The following EPHA8 variants were observed in gnomAD, a reference collection of about 807,000 sequenced individuals.
The protein encoded by EPHA8 is EPH receptor A8.
Under a neutral mutation model 103.6 loss-of-function variants are expected in EPHA8, and 58 were observed. The ratio of observed to expected loss-of-function variants is 0.56; its 90% CI spans 0.45 to 0.70. The LOEUF is 0.70. EPHA8 is among the 30% of genes least tolerant of loss of function. The pLI is 0.00. For missense variants in EPHA8, 1,304 were observed against 1,395.2 expected (o/e 0.93, Z 1.04); for synonymous variants, 559 against 572.5 (o/e 0.98, Z 0.34).
rs767808371 is a variant in EPHA8 at position 22,567,999 on chromosome 1, G to A, written c.95-1290G>A. On this transcript the variant is annotated intron_variant, in intron 1 of 16. Transcript: ENST00000166244. The surrounding 1 kb of genome is among the most constrained non-coding windows in gnomAD (Gnocchi z 4.2). The stretch of plus-strand genomic sequence containing the variant: ...CCAAGGACACACAGCAGTTAGAGAC[G>A]GCTGAAGCCGGAGCCCTGATTTCTA... Among the ~76,000 whole-genome samples, 6 of 152,236 alleles carry A rather than the reference G, an allele frequency of 3.9e-5. No homozygotes were observed. Among genetic ancestry groups the A allele is most frequent in the Non-Finnish European group, 8.8e-5 (6 of 68,046 alleles).
In EPHA8 at chr1:22,600,945, C is replaced by A; in HGVS notation, c.2586C>A (p.Gly862=). ...GGTACCGCCTGCCCGCACCCATGGG[C>A]TGCCCCCACGCCCTGCACCAGCTCA... ...EEGYRLPAPM[G]CPHALHQLML... The change falls in exon 15 of 17, where the codon GGC becomes GGA. Residue 862 remains glycine, a synonymous_variant. Coordinates refer to ENST00000166244, the MANE Select transcript of EPHA8 (RefSeq NM_020526.5). The A allele has an allele frequency of 6.2e-7, 1 of 1,612,468 alleles. No homozygotes were observed.
intron 13 of EPHA8, among the ~76,000 whole-genome samples, chr1:22,599,651 GA>G (rs1641626876): frequency 5.1e-5 from 3 of 58,692 alleles, no homozygotes; most frequent in African/African-American, 2.3e-4. Context: ...GGGAGGGAAG[GA>G]AGGAAAGGAG....
chr1:22,600,501 G>A (rs1641692211), intron 13 of EPHA8, among the ~76,000 whole-genome samples, 160 bp from the exon 14 acceptor site: 1 of 152,050 alleles, frequency 6.6e-6, no homozygotes, highest in African/African-American at 2.4e-5. Context: ...AGCGGCTCTT[G>A]TGAGGCCTCC....
rs556829949 is a variant in EPHA8 at position 22,578,862 on chromosome 1, T to C, written c.823+1982T>C. On this transcript the variant is annotated intron_variant, in intron 3 of 16. Coordinates refer to ENST00000166244, the MANE Select transcript of EPHA8 (RefSeq NM_020526.5). The stretch of plus-strand genomic sequence containing the variant: ...ATATGCATGTGTGCATGCATGTGTG[T>C]ATATGCACGTGTCCGTGTGTCCGTG... 2.7e-5 allele frequency among the ~76,000 whole-genome samples: 4 copies of C among 147,334 alleles called. No homozygotes were observed. In the South Asian group the frequency reaches 6.4e-4, roughly 24 times the overall value.
Position 22,598,417 on chromosome 1 carries a change from C to T in EPHA8, c.2178+205C>T, listed in dbSNP as rs934837817. 5.4e-4 allele frequency among the ~76,000 whole-genome samples: 83 copies of T among 152,296 alleles called. 1 individual carries two copies. The highest frequency in any genetic ancestry group is 6.5e-4 in the Admixed American group (10 of 15,304). On this transcript the variant is annotated intron_variant, in intron 12 of 16. Transcript: ENST00000166244. The surrounding 1 kb of genome is among the most constrained non-coding windows in gnomAD (Gnocchi z 5.1). ...CCCATTGCATGAAAGTCCCTCTGCTCCATGGGATCCTGCTGCCCTGCACAC... is the reference window on the plus strand; with the variant it reads ...CCCATTGCATGAAAGTCCCTCTGCTTCATGGGATCCTGCTGCCCTGCACAC...
At chr1:22,599,672 A>G (rs1323088610) in intron 13 of EPHA8, among the ~76,000 whole-genome samples, 10 of 43,058 alleles carry the variant, frequency 2.3e-4, no homozygotes, top group East Asian at 6.3e-4. Flanking sequence ...GGGAGGGAGG[A>G]AGGAGGGAAG....
chr1:22,565,862 C>G (rs1320222046), intron 1 of EPHA8, among the ~76,000 whole-genome samples: 1 of 152,324 alleles, frequency 6.6e-6, no homozygotes, highest in East Asian at 1.9e-4. Flanking sequence ...CAGCAGGGTA[C>G]CCACAGCCAG....
Position 22,596,093 on chromosome 1 carries a change from C to T in EPHA8, c.1698-13C>T. The T allele has an allele frequency of 6.2e-7, 1 of 1,613,388 alleles. No individual in the cohort carries two copies. Among genetic ancestry groups the T allele is most frequent in the Non-Finnish European group, 8.5e-7 (1 of 1,179,740 alleles). ...TGGCCTGGCCTCAGGCAGGGCGGTGCCCTCCTCTGCAGGCACTGTGGCTAC... is the reference window on the plus strand; with the variant it reads ...TGGCCTGGCCTCAGGCAGGGCGGTGTCCTCCTCTGCAGGCACTGTGGCTAC... On this transcript the variant is annotated splice_polypyrimidine_tract_variant and intron_variant, in intron 8 of 16. Coordinates refer to ENST00000166244, the MANE Select transcript of EPHA8 (RefSeq NM_020526.5).
Position 22,596,088 on chromosome 1 carries a change from C to A in EPHA8, c.1698-18C>A. 1 of 1,612,820 alleles carries A rather than the reference C, an allele frequency of 6.2e-7. No homozygotes were observed. Among genetic ancestry groups the A allele is most frequent in the Non-Finnish European group, 8.5e-7 (1 of 1,179,338 alleles). ...AGGGGTGGCCTGGCCTCAGGCAGGG[C>A]GGTGCCCTCCTCTGCAGGCACTGTG... is the stretch of plus-strand genomic sequence containing the variant. On this transcript the variant is annotated intron_variant, in intron 8 of 16. Transcript: ENST00000166244.
chr1:22,567,819 G>C lies in EPHA8; in HGVS notation c.95-1470G>C, dbSNP rs886493499. On this transcript the variant is annotated intron_variant, in intron 1 of 16. Coordinates refer to ENST00000166244, the MANE Select transcript of EPHA8 (RefSeq NM_020526.5). The surrounding 1 kb of genome is among the most constrained non-coding windows in gnomAD (Gnocchi z 4.2). Reference sequence around the variant, plus strand: ...CCCCCGTCACCTGCCCAAGCCCGCTGATTGGGGTGGTTAAAAGCCCATGGC... The same window carrying C: ...CCCCCGTCACCTGCCCAAGCCCGCTCATTGGGGTGGTTAAAAGCCCATGGC... Among the ~76,000 whole-genome samples, 1 of 152,184 alleles carries C rather than the reference G, an allele frequency of 6.6e-6. No homozygotes were observed. Among genetic ancestry groups the C allele is most frequent in the African/African-American group, 2.4e-5 (1 of 41,452 alleles).
intron 3 of EPHA8, among the ~76,000 whole-genome samples, chr1:22,582,089 G>A (rs1641062359): frequency 6.6e-6 from 1 of 152,222 alleles, no homozygotes; most frequent in Admixed American, 6.5e-5. Context: ...GAACAGAGTG[G>A]GGTACCTTTC....
At chr1:22,578,161 TGA>T (rs1275674136) in intron 3 of EPHA8, among the ~76,000 whole-genome samples, 2 of 129,758 alleles carry the variant, frequency 1.5e-5, no homozygotes, top group Admixed American at 7.6e-5. Context: ...CGTGTGTGCA[TGA>T]GTGTATGTGT....
intron 4 of EPHA8, among the ~76,000 whole-genome samples, chr1:22,588,648 G>T (rs188891732): frequency 1.3e-5 from 2 of 152,036 alleles, no homozygotes; most frequent in Admixed American, 1.3e-4. Flanking sequence ...GGGTCCCAGG[G>T]TTCTGTGCCC....
chr1:22,589,465 A>G lies in EPHA8; in HGVS notation c.1315+259A>G. 6.7e-7 allele frequency: 1 copy of G among 1,483,268 alleles called. No individual in the cohort carries two copies. Among genetic ancestry groups the G allele is most frequent in the Non-Finnish European group, 8.9e-7 (1 of 1,125,452 alleles). The allele number at this position is 1,483,268 out of a possible 1,614,324, so 91.9% of individuals were successfully genotyped here. On this transcript the variant is annotated intron_variant, in intron 5 of 16. Transcript: ENST00000166244. This position sits in a 1 kb window ranked among gnomAD's most constrained non-coding sequence, Gnocchi z 4.3. Reference sequence around the variant, plus strand: ...GGCCGTCGAAAGCCTAGGTTCCAGAACTTTCCCTCTCTGTGCCTCAGTTTC... The same window carrying G: ...GGCCGTCGAAAGCCTAGGTTCCAGAGCTTTCCCTCTCTGTGCCTCAGTTTC...
At chr1:22,579,323 ATG>A (rs1317537393) in intron 3 of EPHA8, among the ~76,000 whole-genome samples, 2 of 149,200 alleles carry the variant, frequency 1.3e-5, no homozygotes, top group Non-Finnish European at 3.0e-5. Flanking sequence ...GTATATATGC[ATG>A]TGTCCATGTG....
chr1:22,577,105 G>A (rs1456059975), intron 3 of EPHA8, among the ~76,000 whole-genome samples: 5 of 152,184 alleles, frequency 3.3e-5, no homozygotes, highest in Non-Finnish European at 7.4e-5. Context: ...GGAGGGGAGA[G>A]GGAGGGAAAC....
chr1:22,581,060 G>A (rs1169813697), intron 3 of EPHA8, among the ~76,000 whole-genome samples: 1 of 152,140 alleles, frequency 6.6e-6, no homozygotes, highest in Non-Finnish European at 1.5e-5. Flanking sequence ...CCTGCCTCTG[G>A]GGACTTAGCA....
At chr1:22,578,103 T>TGTGCATGTAGCGTCAGTGG (rs1640807773) in intron 3 of EPHA8, among the ~76,000 whole-genome samples, 1 of 29,406 alleles carries the variant, frequency 3.4e-5, no homozygotes, top group Non-Finnish European at 7.9e-5. Flanking sequence ...AGCGTCAGTG[T>TGTGCATGTAGCGTCAGTGG]ATGCATGTGT....
chr1:22,588,979 A>G lies in EPHA8; in HGVS notation c.1088A>G (p.Asn363Ser). 6.2e-7 allele frequency: 1 copy of G among 1,613,460 alleles called. No homozygotes were observed. Among genetic ancestry groups the G allele is most frequent in the Non-Finnish European group, 8.5e-7 (1 of 1,179,854 alleles). Reference protein sequence around the residue: ...DPGGRSDITYNAVCRRCPWAL... With the variant: ...DPGGRSDITYSAVCRRCPWAL... ...GGTGGCCGCAGTGACATCACCTACA[A>G]TGCCGTGTGCCGCCGCTGCCCCTGG... Residue 363 changes from asparagine to serine, a missense_variant, in exon 5 of 17, where the codon AAT (asparagine) becomes AGT (serine). Asn to Ser is a conservative substitution (Grantham distance 46, BLOSUM62 1). Transcript: ENST00000166244.
Sources: allele counts gnomAD v4.1 joint callset (sites outside exome capture counted in the v4.1 genomes callset), GRCh38; gene constraint gnomAD v4.1.1; non-coding constraint Gnocchi (gnomAD v3.1); transcripts MANE v1.5; gene names NCBI Gene and HGNC (gene_info 2026-07-23, HGNC 2026-07-21).